The following ABCA4 variants were observed in gnomAD, a reference collection of about 807,000 sequenced individuals.
ABCA4 encodes retinal-specific phospholipid-transporting ATPase ABCA4.
Under a neutral mutation model 263.7 loss-of-function variants are expected in ABCA4, and 196 were observed. That is an observed-to-expected ratio of 0.74 (90% CI 0.66 to 0.84). The LOEUF (loss-of-function observed/expected upper bound fraction) is 0.84. Ranked by LOEUF, ABCA4 falls within the 40% of genes least tolerant of loss-of-function variation. The pLI, the probability that ABCA4 is intolerant of heterozygous loss-of-function variation, is 0.00. For synonymous variants in ABCA4, 1,133 were observed against 1,094.2 expected (o/e 1.04, Z -0.70); for missense variants, 2,792 against 2,855.1 (o/e 0.98, Z 0.50).
intron 26 of ABCA4, 81 bp downstream of exon 26, chr1:94,036,659 G>C: frequency 1.4e-6 from 2 of 1,474,316 alleles, no homozygotes; most frequent in Non-Finnish European, 1.9e-6. Context: ...ATGAGCCACT[G>C]TGCCCAGCCC....
intron 19 of ABCA4, among the ~76,000 whole-genome samples, chr1:94,045,512 A>G (rs1660648203): frequency 6.6e-6 from 1 of 152,154 alleles, no homozygotes; most frequent in Non-Finnish European, 1.5e-5. Context: ...CCGATGAAGT[A>G]ATGTGTTTGC....
intron 11 of ABCA4, among the ~76,000 whole-genome samples, chr1:94,070,083 C>T (rs1028445532): frequency 1.3e-5 from 2 of 152,204 alleles, no homozygotes; most frequent in African/African-American, 4.8e-5. Flanking sequence ...CTTGTTGAAT[C>T]ATCCCAACAA....
rs556002892 is a variant in ABCA4, at chr1:94,046,848, C to T, written c.2918+71G>A. ...ATTTGTGGGAAAGAGTAGACAGCCG[C>T]TGATAGGGAAAGACTAAGCCAGGAA... On this transcript the variant is annotated intron_variant, in intron 19 of 49. Transcript: ENST00000370225. 9.8e-5 allele frequency: 154 copies of T among 1,573,794 alleles called. 2 individuals carry two copies. In the South Asian group the frequency reaches 1.6e-3, roughly 16 times the overall value.
chr1:94,038,307 T>C (rs898237677), intron 24 of ABCA4, among the ~76,000 whole-genome samples: 2 of 152,198 alleles, frequency 1.3e-5, no homozygotes, highest in Non-Finnish European at 2.9e-5. Flanking sequence ...AATCTAACTG[T>C]GAAAACCTCA....
intron 19 of ABCA4, chr1:94,046,103 T>G (rs1287489559): frequency 5.5e-6 from 2 of 365,754 alleles, no homozygotes; most frequent in Non-Finnish European, 1.1e-5. Flanking sequence ...TCAGCTGATG[T>G]TGAAGCCTGC....
intron 4 of ABCA4, 130 bp from the exon 5 acceptor site, chr1:94,103,272 G>A (rs915681678): frequency 4.2e-6 from 5 of 1,183,552 alleles, no homozygotes; most frequent in South Asian, 3.7e-5. Context: ...GGGGTCTCTG[G>A]GAGCCCCTAG....
chr1:94,066,452 T>C (rs1330620691), intron 11 of ABCA4, among the ~76,000 whole-genome samples: 1 of 152,236 alleles, frequency 6.6e-6, no homozygotes, highest in Non-Finnish European at 1.5e-5. Flanking sequence ...ATTTAATTCC[T>C]AAAACGAAAA....
In ABCA4 at chr1:94,098,871, A is replaced by G; in HGVS notation, c.691T>C (p.Ser231Pro). Reference protein sequence around the residue: ...GAKTVRYALCSLSQGTLQWIE... With the variant: ...GAKTVRYALCPLSQGTLQWIE... The stretch of plus-strand genomic sequence containing the variant: ...CACTGTAGGGTGCCCTGGGAGAGGG[A>G]GCACAGGGCATAGCGCACCGTCTTT... The change falls in exon 6 of 50, where the codon TCC (serine) becomes CCC (proline). Residue 231 changes from serine (S) to proline (P), a missense_variant. By Grantham distance (74) the Ser-to-Pro change is moderately conservative. Transcript: ENST00000370225. 1 of 1,614,102 alleles carries G rather than the reference A, an allele frequency of 6.2e-7. No individual in the cohort carries two copies. The highest frequency in any genetic ancestry group is 8.5e-7 in the Non-Finnish European group (1 of 1,180,014).
intron 6 of ABCA4, among the ~76,000 whole-genome samples, chr1:94,091,858 A>G (rs1245894075): frequency 6.6e-6 from 1 of 152,234 alleles, no homozygotes; most frequent in Non-Finnish European, 1.5e-5. Context: ...AGCAGCCAAG[A>G]TGATTCCGGC....
intron 30 of ABCA4, 79 bp downstream of exon 30, chr1:94,029,366 G>T: frequency 2.3e-6 from 3 of 1,289,820 alleles, no homozygotes; most frequent in South Asian, 3.0e-5. Flanking sequence ...GTTTGTGAGA[G>T]ACTCAGGAGA....
In ABCA4 at chr1:94,080,682, C is replaced by T. The variant is rs1005920303; in HGVS notation, c.895G>A (p.Val299Met). ...CCATTCTGCATGAGGGGCCTGGTCA[C>T]CCACAGCAAGTCCTGCATACTCGGC... ...HRPSMQDLLW[V>M]TRPLMQNGGP... is the part of the protein sequence containing the mutation. The change falls in exon 8 of 50, where the codon GTG becomes ATG. Residue 299 changes from valine (V) to methionine (M), a missense_variant. Transcript: ENST00000370225. The T allele has an allele frequency of 1.9e-6, 3 of 1,614,126 alleles. No individual in the cohort carries two copies. Among genetic ancestry groups the T allele is most frequent in the South Asian group, 2.2e-5 (2 of 91,072 alleles).
chr1:94,077,934 G>A, intron 10 of ABCA4, 47 bp from the exon 11 acceptor site: 1 of 1,564,282 alleles, frequency 6.4e-7, no homozygotes. Flanking sequence ...AAATTCCATA[G>A]GATCTTTGGT....
intron 6 of ABCA4, among the ~76,000 whole-genome samples, chr1:94,093,764 A>AG (rs530200340): frequency 6.6e-6 from 1 of 152,254 alleles, no homozygotes; most frequent in Non-Finnish European, 1.5e-5. Context: ...ATGTGCACGA[A>AG]GGGGCCTCTC....
chr1:94,029,757 T>G, intron 29 of ABCA4, 126 bp from the exon 30 acceptor site: 1 of 954,534 alleles, frequency 1.0e-6, no homozygotes, highest in Non-Finnish European at 1.6e-6. Flanking sequence ...TCTTATTCTC[T>G]TGGAGGCTGG....
In ABCA4 at chr1:94,121,038, A is replaced by G. The variant is rs1439937348; in HGVS notation, c.8T>C (p.Phe3Ser). The G allele has an allele frequency of 6.2e-7, 1 of 1,614,126 alleles. No individual in the cohort carries two copies. ...GAGCAAAAGCTGTATCTGTCTCACGAAGCCCATGCTAATGACCACACGAAG... is the reference window on the plus strand; with the variant it reads ...GAGCAAAAGCTGTATCTGTCTCACGGAGCCCATGCTAATGACCACACGAAG... MG[F>S]VRQIQLLLWK... Residue 3 changes from phenylalanine (F) to serine (S), a missense_variant, in exon 1 of 50, where the codon TTC (phenylalanine) becomes TCC (serine). Coordinates refer to ENST00000370225, the MANE Select transcript of ABCA4 (RefSeq NM_000350.3).
rs373940998 is a variant in ABCA4 at position 94,014,372 on chromosome 1, TGGGAGGAAG to T, written c.5460+162_5460+170del. Among the ~76,000 whole-genome samples the T allele has an allele frequency of 4.7e-4, 31 of 66,484 alleles. 1 individual carries two copies. Among genetic ancestry groups the T allele is most frequent in the African/African-American group, 2.3e-3 (29 of 12,672 alleles). 43.6% of individuals were successfully genotyped at this position (66,484 alleles called of 152,430 possible). ...AGAAGAAGGAAAGAGGAAGGAAGGA[TGGGAGGAAG>T]GAAGGAAGGAAAGGAGGCAGGGTCG... On this transcript the variant is annotated intron_variant, in intron 38 of 49. Transcript: ENST00000370225.
chr1:94,011,164 C>T (rs953768800), intron 39 of ABCA4, 98 bp downstream of exon 39: 1 of 1,601,708 alleles, frequency 6.2e-7, no homozygotes, highest in Non-Finnish European at 8.5e-7. Flanking sequence ...CCCCTCCTAG[C>T]ACCAGCCCCT....
At chr1:94,037,741 G>C (rs111587188) in intron 24 of ABCA4, among the ~76,000 whole-genome samples, 1 of 152,146 alleles carries the variant, frequency 6.6e-6, no homozygotes, top group African/African-American at 2.4e-5. Flanking sequence ...GGAAAATACT[G>C]GTATCCACTT....
intron 47 of ABCA4, among the ~76,000 whole-genome samples, chr1:93,999,918 C>T (rs1035192535): frequency 3.9e-5 from 6 of 152,258 alleles, no homozygotes; most frequent in African/African-American, 1.4e-4. Flanking sequence ...GATATCTATG[C>T]AGTGTCCAAG....
Sources: gnomAD v4.1 joint callset for allele counts (sites outside exome capture counted in the v4.1 genomes callset) on GRCh38, gnomAD v4.1.1 for gene constraint, MANE v1.5 for transcripts, NCBI Gene and HGNC (gene_info 2026-07-23, HGNC 2026-07-21) for gene names.